The following REDIC1 variants were observed in gnomAD, a reference collection of about 807,000 sequenced individuals.
REDIC1 encodes the protein regulator of DNA class I crossover intermediates 1.
chr12:39,745,342 TAAAC>T, the REDIC1 span, among the ~76,000 whole-genome samples: 1 of 152,080 alleles, frequency 6.6e-6, no homozygotes, highest in African/African-American at 2.4e-5. Context: ...TTGTAAAAAA[TAAAC>T]AATAAAGGGT....
At chr12:39,894,317 A>G in the REDIC1 span, among the ~76,000 whole-genome samples, 3 of 152,244 alleles carry the variant, frequency 2.0e-5, no homozygotes, top group African/African-American at 7.2e-5. Flanking sequence ...TTATCCACAT[A>G]TTGAATCTGA....
the REDIC1 span, among the ~76,000 whole-genome samples, chr12:39,678,629 C>T: frequency 2.1e-5 from 2 of 96,230 alleles, no homozygotes; most frequent in Non-Finnish European, 4.2e-5. Flanking sequence ...AAAGGCATAA[C>T]AAAAAAAAAA....
the REDIC1 span, chr12:39,830,512 G>T: frequency 9.1e-7 from 1 of 1,094,110 alleles, no homozygotes. Context: ...TCAATCTGGA[G>T]CAAATAAACT....
At chr12:39,718,320 G>A in the REDIC1 span, among the ~76,000 whole-genome samples, 2 of 152,182 alleles carry the variant, frequency 1.3e-5, no homozygotes, top group South Asian at 4.1e-4. Flanking sequence ...GATGCCTTCG[G>A]TGTTGAACTG....
chr12:39,674,392 G>A, the REDIC1 span, among the ~76,000 whole-genome samples: 2 of 152,158 alleles, frequency 1.3e-5, no homozygotes, highest in Non-Finnish European at 1.5e-5. Context: ...GCAGGTAAGA[G>A]ACAGGACTAG....
chr12:39,767,980 C>G, the REDIC1 span, among the ~76,000 whole-genome samples: 1 of 152,100 alleles, frequency 6.6e-6, no homozygotes, highest in Non-Finnish European at 1.5e-5. Context: ...ACTACCCAGT[C>G]TCAGGCAGTT....
the REDIC1 span, among the ~76,000 whole-genome samples, chr12:39,719,992 T>C: frequency 1.3e-5 from 2 of 152,066 alleles, no homozygotes. Context: ...TTATATTAAC[T>C]TTGTATTTTT....
the REDIC1 span, among the ~76,000 whole-genome samples, chr12:39,799,738 G>C: frequency 6.6e-6 from 1 of 152,088 alleles, no homozygotes; most frequent in Non-Finnish European, 1.5e-5. Flanking sequence ...TTAAAGTTAG[G>C]CCTATTATAC....
the REDIC1 span, among the ~76,000 whole-genome samples, chr12:39,804,009 A>G: frequency 6.6e-6 from 1 of 152,194 alleles, no homozygotes; most frequent in Non-Finnish European, 1.5e-5. Context: ...CAGGAAGAAG[A>G]AATGTCTGAA....
At chr12:39,664,008 T>C in the REDIC1 span, among the ~76,000 whole-genome samples, 5 of 152,096 alleles carry the variant, frequency 3.3e-5, no homozygotes, top group African/African-American at 9.7e-5. Flanking sequence ...TAAAAATTCA[T>C]TGTTAGTCTA....
chr12:39,706,144 A>G, the REDIC1 span, among the ~76,000 whole-genome samples: 2 of 152,108 alleles, frequency 1.3e-5, no homozygotes, highest in Non-Finnish European at 2.9e-5. Flanking sequence ...AACATGCAAA[A>G]ATCAGTAGCA....
At chr12:39,647,156 G>A in the REDIC1 span, among the ~76,000 whole-genome samples, 1 of 152,024 alleles carries the variant, frequency 6.6e-6, no homozygotes, top group Non-Finnish European at 1.5e-5. Context: ...GCCAAGGACA[G>A]TTCACTTAGG....
the REDIC1 span, among the ~76,000 whole-genome samples, chr12:39,877,808 A>G: frequency 6.6e-6 from 1 of 152,212 alleles, no homozygotes; most frequent in Non-Finnish European, 1.5e-5. Context: ...AAAATACATC[A>G]TATTTTCCAT....
chr12:39,807,541 G>C, the REDIC1 span, among the ~76,000 whole-genome samples: 54 of 152,250 alleles, frequency 3.5e-4, 2 homozygotes, highest in South Asian at 0.011. Flanking sequence ...AACAAGTAAA[G>C]GGTGGCTATA....
chr12:39,776,571 G>A, the REDIC1 span, among the ~76,000 whole-genome samples: 1 of 152,218 alleles, frequency 6.6e-6, no homozygotes, highest in African/African-American at 2.4e-5. Flanking sequence ...GAAGCCTGTA[G>A]GCAGAGGCCA....
At chr12:39,677,838 G>T in the REDIC1 span, among the ~76,000 whole-genome samples, 3 of 152,142 alleles carry the variant, frequency 2.0e-5, no homozygotes, top group Non-Finnish European at 4.4e-5. Context: ...GCTCCTAAAT[G>T]ATCTTTGGGT....
At chr12:39,770,000 A>T in the REDIC1 span, among the ~76,000 whole-genome samples, 1 of 152,010 alleles carries the variant, frequency 6.6e-6, no homozygotes, top group Non-Finnish European at 1.5e-5. Flanking sequence ...GTGGTGCTTG[A>T]CATTGCTGAC....
chr12:39,757,579 CTCTG>C, the REDIC1 span: 2 of 151,656 alleles, frequency 1.3e-5, no homozygotes, highest in Admixed American at 6.6e-5. Context: ...TACTGTGCCT[CTCTG>C]TCTTATACTT....
the REDIC1 span, among the ~76,000 whole-genome samples, chr12:39,875,529 G>T: frequency 6.6e-6 from 1 of 152,182 alleles, no homozygotes; most frequent in East Asian, 1.9e-4. Context: ...ATGTTTGTAT[G>T]TCCTTGGGGG....
Sources: allele counts gnomAD v4.1 joint callset (sites outside exome capture counted in the v4.1 genomes callset), GRCh38; gene constraint gnomAD v4.1.1; transcripts MANE v1.5; gene names NCBI Gene and HGNC (gene_info 2026-07-23, HGNC 2026-07-21).